NWD1: variants seen among roughly 807,000 people sequenced by gnomAD.
NWD1 encodes the protein NACHT and WD repeat domain containing 1, also known as NACHT domain- and WD repeat-containing protein 1.
NWD1 carries 129 observed loss-of-function variants against 135.1 expected under a neutral mutation model. The ratio of observed to expected loss-of-function variants is 0.96; its 90% CI spans 0.83 to 1.11. NWD1 has a LOEUF of 1.11. NWD1 is among the 50% of genes least tolerant of loss of function. The probability of loss-of-function intolerance (pLI) is 0.00; values close to 1 mark genes in which losing one functional copy is unlikely to be tolerated. For missense variants in NWD1, 1,740 were observed against 1,851.3 expected, an observed-to-expected ratio of 0.94 and a Z score of 1.10; for synonymous variants, 773 against 786.0, an observed-to-expected ratio of 0.98 and a Z score of 0.28.
At chr19:16,748,499 T>C (rs1031568661) in intron 5 of NWD1, among the ~76,000 whole-genome samples, 9 of 152,112 alleles carry the variant, frequency 5.9e-5, no homozygotes, top group African/African-American at 2.2e-4. Flanking sequence ...ATGGGACCTC[T>C]GTGTTGCCTA....
chr19:16,755,371 C>T lies in NWD1; in HGVS notation c.1770-3854C>T, dbSNP rs932245953. Reference sequence around the variant, plus strand: ...TAGCTGAGACTACAGGTGCATGCCACCACACCCAGTTATTTATTTCTTCTT... The same window carrying T: ...TAGCTGAGACTACAGGTGCATGCCATCACACCCAGTTATTTATTTCTTCTT... On this transcript the variant is annotated intron_variant, in intron 6 of 18. Transcript: ENST00000524140. Among the ~76,000 whole-genome samples the T allele has an allele frequency of 1.1e-4, 17 of 151,972 alleles. No homozygotes were observed. The South Asian group carries it at 1.2e-3, about 11-fold the overall frequency.
chr19:16,766,903 T>C (rs1365646662), intron 10 of NWD1, among the ~76,000 whole-genome samples: 1 of 152,160 alleles, frequency 6.6e-6, no homozygotes, highest in Non-Finnish European at 1.5e-5. Context: ...TAACCATTTT[T>C]ATGTGTGCAG....
intron 17 of NWD1, 128 bp from the exon 18 acceptor site, chr19:16,807,458 A>G (rs1970783275): frequency 1.4e-6 from 1 of 715,114 alleles, no homozygotes; most frequent in Non-Finnish European, 2.3e-6. Flanking sequence ...GTGCTATTGC[A>G]CTACAGCCTG....
Position 16,749,191 on chromosome 19 carries a change from G to A in NWD1, c.549G>A (p.Gln183=). The change falls in exon 6 of 19, where the codon CAG becomes CAA. Residue 183 remains glutamine (Q), a synonymous_variant. Transcript: ENST00000524140. ...TGCTGAGCTCAGAGGACCGGGAACA[G>A]GGAGCCACCGTCTTCCTTAGAGAGA... ...RSLLSSEDRE[Q]GATVFLREIQ... 6.2e-7 allele frequency: 1 copy of A among 1,613,616 alleles called. No individual in the cohort carries two copies. The highest frequency in any genetic ancestry group is 8.5e-7 in the Non-Finnish European group (1 of 1,179,738).
At chr19:16,749,047 C>T in intron 5 of NWD1, 92 bp from the exon 6 acceptor site, 1 of 949,410 alleles carries the variant, frequency 1.1e-6, no homozygotes. Context: ...CAATGCACAT[C>T]CCCCAACAAC....
chr19:16,782,157 G>C (rs1969878513), intron 12 of NWD1, among the ~76,000 whole-genome samples: 1 of 150,012 alleles, frequency 6.7e-6, no homozygotes, highest in Non-Finnish European at 1.5e-5. Flanking sequence ...TAAGAAAACA[G>C]GTTGGGCATT....
intron 3 of NWD1, among the ~76,000 whole-genome samples, chr19:16,736,272 C>A (rs926254864): frequency 8.1e-5 from 9 of 111,068 alleles, no homozygotes; most frequent in African/African-American, 3.3e-4. Context: ...CTCTGCTGTC[C>A]AGGCTGGCAT....
intron 14 of NWD1, among the ~76,000 whole-genome samples, chr19:16,793,290 G>A (rs2123062256): frequency 6.6e-6 from 1 of 152,206 alleles, no homozygotes. Context: ...CGGGAGTGCA[G>A]TGGCACGATC....
intron 8 of NWD1, among the ~76,000 whole-genome samples, chr19:16,763,082 C>T (rs1969083676): frequency 6.6e-6 from 1 of 152,000 alleles, no homozygotes; most frequent in South Asian, 2.1e-4. Context: ...GTGGGATTAC[C>T]ACACCTAGCC....
chr19:16,748,969 G>A (rs1284031179), intron 5 of NWD1, among the ~76,000 whole-genome samples, 170 bp from the exon 6 acceptor site: 1 of 152,142 alleles, frequency 6.6e-6, no homozygotes, highest in Admixed American at 6.6e-5. Flanking sequence ...TTCTGGAGGT[G>A]GGGTCCAGCC....
intron 11 of NWD1, 150 bp downstream of exon 11, chr19:16,773,473 T>C (rs1969487917): frequency 6.3e-6 from 4 of 638,548 alleles, no homozygotes; most frequent in Non-Finnish European, 1.1e-5. Context: ...TGCTGTCTCA[T>C]GCTGAATCAG....
Position 16,759,329 on chromosome 19 carries a change from G to C in NWD1, c.1874G>C (p.Arg625Pro). ...DWTPPSKELL[R>P]FPPLLWVRLR... ...ACCCCGCCCAGCAAGGAGCTGCTGCGCTTCCCGCCCCTGCTGTGGGTGCGG... is the reference window on the plus strand; with the variant it reads ...ACCCCGCCCAGCAAGGAGCTGCTGCCCTTCCCGCCCCTGCTGTGGGTGCGG... Residue 625 changes from arginine (R) to proline (P), a missense_variant, in exon 7 of 19, where the codon CGC becomes CCC. Arg to Pro is a moderately radical substitution (Grantham distance 103). Coordinates refer to ENST00000524140, the MANE Select transcript of NWD1 (RefSeq NM_001007525.5). 1 of 1,613,964 alleles carries C rather than the reference G, an allele frequency of 6.2e-7. No individual in the cohort carries two copies.
chr19:16,741,520 C>A (rs1968083507), intron 4 of NWD1, among the ~76,000 whole-genome samples: 1 of 151,738 alleles, frequency 6.6e-6, no homozygotes, highest in Non-Finnish European at 1.5e-5. Context: ...CACCTACCAC[C>A]ATGCCCGGCT....
At chr19:16,786,727 A>G (rs1212182352) in intron 12 of NWD1, among the ~76,000 whole-genome samples, 1 of 151,908 alleles carries the variant, frequency 6.6e-6, no homozygotes, top group African/African-American at 2.4e-5. Flanking sequence ...TCGTATTTTT[A>G]GTAGAGACGG....
intron 3 of NWD1, among the ~76,000 whole-genome samples, chr19:16,734,452 G>A (rs1967708222): frequency 6.6e-6 from 1 of 151,114 alleles, no homozygotes; most frequent in Non-Finnish European, 1.5e-5. Flanking sequence ...GGAGAATGGC[G>A]TGAACCCGGG....
chr19:16,732,803 C>T (rs902496264), intron 3 of NWD1, among the ~76,000 whole-genome samples: 3 of 152,076 alleles, frequency 2.0e-5, no homozygotes, highest in South Asian at 2.1e-4. Flanking sequence ...CCTGGCTAAC[C>T]GGGGATGTTT....
At chr19:16,723,852 T>C (rs1967228436) in intron 1 of NWD1, among the ~76,000 whole-genome samples, 2 of 152,102 alleles carry the variant, frequency 1.3e-5, no homozygotes, top group African/African-American at 2.4e-5. Context: ...TGCACCGTCA[T>C]GCCCGGCTAA....
At position 16,736,658 on chromosome 19, in the gene NWD1, C is replaced by G; in HGVS notation, c.106C>G (p.Arg36Gly). Residue 36 changes from arginine (R) to glycine (G), a missense_variant, in exon 4 of 19, where the codon CGG becomes GGG. Arg to Gly is a moderately radical substitution (Grantham distance 125). Coordinates refer to ENST00000524140, the MANE Select transcript of NWD1 (RefSeq NM_001007525.5). ...GGTCGTTGATCTGAGGTGGGGTATTCGGAACATTGAAGCCACTGACCACTT... is the reference window on the plus strand; with the variant it reads ...GGTCGTTGATCTGAGGTGGGGTATTGGGAACATTGAAGCCACTGACCACTT... ...FEVVDLRWGI[R>G]NIEATDHLTT... 1 of 1,535,404 alleles carries G rather than the reference C, an allele frequency of 6.5e-7. No individual in the cohort carries two copies. Among genetic ancestry groups the G allele is most frequent in the Non-Finnish European group, 8.7e-7 (1 of 1,146,324 alleles).
In NWD1 at chr19:16,817,364, G is replaced by C. The variant is rs1402963099; in HGVS notation, c.*2325G>C. On this transcript the variant is annotated 3_prime_UTR_variant, in exon 19 of 19. Coordinates refer to ENST00000524140, the MANE Select transcript of NWD1 (RefSeq NM_001007525.5). The stretch of plus-strand genomic sequence containing the variant: ...GCCTGTAATCCCAGCACTTTGGGAG[G>C]CTGAGGCGGGTGGATCACTTGAGGC... 6.6e-6 allele frequency: 1 copy of C among 152,062 alleles called. No individual in the cohort carries two copies. The highest frequency in any genetic ancestry group is 2.4e-5 in the African/African-American group (1 of 41,398). 9.4% of individuals were successfully genotyped at this position (152,062 alleles called of 1,614,324 possible). A position where few individuals can be genotyped will look rare whatever the true frequency, so the allele number is the denominator to read the frequency against.
Sources: allele counts gnomAD v4.1 joint callset (sites outside exome capture counted in the v4.1 genomes callset), GRCh38; gene constraint gnomAD v4.1.1; transcripts MANE v1.5; gene names NCBI Gene and HGNC (gene_info 2026-07-23, HGNC 2026-07-21).